Variants in COL27A1 observed in about 807,000 individuals in gnomAD.
COL27A1 encodes collagen alpha-1(XXVII) chain.
COL27A1 carries 106 observed loss-of-function variants against 251.3 expected under a neutral mutation model. The observed-to-expected ratio is 0.42, with a 90% CI of 0.36 to 0.50. COL27A1 has a LOEUF of 0.50. Among genes scored for constraint, COL27A1 ranks in the 20% least tolerant of loss-of-function variants. The pLI is 0.00. For synonymous variants in COL27A1, 1,000 were observed against 986.3 expected (o/e 1.01, Z -0.26); for missense variants, 2,325 against 2,522.8 (o/e 0.92, Z 1.68).
chr9:114,205,951 A>G, intron 9 of COL27A1, 139 bp downstream of exon 9: 1 of 756,094 alleles, frequency 1.3e-6, no homozygotes, highest in East Asian at 2.6e-5. Flanking sequence ...GGGGCTTTCC[A>G]GGGGACTGGA....
intron 56 of COL27A1, 64 bp downstream of exon 56, chr9:114,302,172 C>T: frequency 1.4e-6 from 2 of 1,394,332 alleles, no homozygotes; most frequent in Non-Finnish European, 2.0e-6. Context: ...GGGGAAGAGG[C>T]TGCTGGCCCT....
chr9:114,257,313 C>G (rs1366336408), intron 27 of COL27A1, among the ~76,000 whole-genome samples: 1 of 119,632 alleles, frequency 8.4e-6, no homozygotes, highest in African/African-American at 3.2e-5. Context: ...CCTGGCTGGC[C>G]GGTGGATGAA....
intron 58 of COL27A1, chr9:114,307,109 T>C (rs1829107408): frequency 5.2e-6 from 1 of 191,110 alleles, no homozygotes; most frequent in Non-Finnish European, 1.1e-5. Flanking sequence ...ACTTGGTCTG[T>C]GAGCTGGGGC....
At chr9:114,199,504 C>T (rs1388620526) in intron 7 of COL27A1, among the ~76,000 whole-genome samples, 1 of 152,158 alleles carries the variant, frequency 6.6e-6, no homozygotes, top group Admixed American at 6.5e-5. Context: ...CCTGGGCCTT[C>T]CTGCCTCCCT....
chr9:114,215,054 C>T (rs1343638244), intron 12 of COL27A1, among the ~76,000 whole-genome samples: 2 of 152,252 alleles, frequency 1.3e-5, no homozygotes, highest in Non-Finnish European at 2.9e-5. Flanking sequence ...CAGCTTTACT[C>T]ACAGCCCCTG....
intron 28 of COL27A1, among the ~76,000 whole-genome samples, chr9:114,263,702 G>A (rs1834520419): frequency 6.6e-6 from 1 of 152,122 alleles, no homozygotes; most frequent in Non-Finnish European, 1.5e-5. Context: ...CAGCAATCAG[G>A]GACCAAGACT....
chr9:114,258,480 C>G, intron 27 of COL27A1, 61 bp from the exon 28 acceptor site: 1 of 1,515,628 alleles, frequency 6.6e-7, no homozygotes, highest in East Asian at 2.4e-5. Context: ...CACTCCCAGC[C>G]CCCCGTGTTG....
chr9:114,302,740 A>C (rs996904873), intron 56 of COL27A1, among the ~76,000 whole-genome samples: 3 of 137,618 alleles, frequency 2.2e-5, no homozygotes, highest in Non-Finnish European at 4.9e-5. Flanking sequence ...AAAAAAAAAA[A>C]ACAAAGAGAG....
At chr9:114,196,680 A>G (rs1302167562) in intron 7 of COL27A1, among the ~76,000 whole-genome samples, 2 of 152,030 alleles carry the variant, frequency 1.3e-5, no homozygotes, top group Non-Finnish European at 2.9e-5. Context: ...GGTTCTCTCT[A>G]TCTTGCTGGC....
chr9:114,222,244 C>T lies in COL27A1; in HGVS notation c.2443C>T (p.Pro815Ser), dbSNP rs143813724. ...GNPGELGLPG[P>S]PGVPGLIGDL... The stretch of plus-strand genomic sequence containing the variant: ...GCAGGGAGAACTGGGCCTGCCAGGC[C>T]CCCCTGGAGTCCCCGGCCTCATTGT... The change falls in exon 14 of 61, where the codon CCC becomes TCC. Residue 815 changes from proline (P) to serine (S), a missense_variant. By Grantham distance (74) the Pro-to-Ser change is moderately conservative. Coordinates refer to ENST00000356083, the MANE Select transcript of COL27A1 (RefSeq NM_032888.4). 8.1e-6 allele frequency: 13 copies of T among 1,613,570 alleles called. No individual in the cohort carries two copies. The highest frequency in any genetic ancestry group is 4.0e-5 in the African/African-American group (3 of 74,892).
rs1848087462 is a variant in COL27A1 at position 114,155,915 on chromosome 9, C to T, written c.-36C>T. 1.7e-6 allele frequency: 2 copies of T among 1,209,060 alleles called. No individual in the cohort carries two copies. Among genetic ancestry groups the T allele is most frequent in the Non-Finnish European group, 2.1e-6 (2 of 970,352 alleles). 74.9% of individuals were successfully genotyped at this position (1,209,060 alleles called of 1,614,324 possible). A position where few individuals can be genotyped will look rare whatever the true frequency, so the allele number is the denominator to read the frequency against. On this transcript the variant is annotated 5_prime_UTR_variant, in exon 1 of 61. Transcript: ENST00000356083. The surrounding 1 kb of genome is among the most constrained non-coding windows in gnomAD (Gnocchi z 5.5). ...GCCCCATGGGGCGCGCCCACACTTG[C>T]CCCCCGGGCTCGGGAGCATGAAGTA...
At chr9:114,225,912 C>T (rs913239706) in intron 14 of COL27A1, among the ~76,000 whole-genome samples, 11 of 152,132 alleles carry the variant, frequency 7.2e-5, no homozygotes, top group African/African-American at 2.7e-4. Flanking sequence ...GGAGGCCTTG[C>T]GAAGCCGAGG....
At position 114,301,266 on chromosome 9, in the gene COL27A1, G is replaced by GTTT; in HGVS notation, c.4756-18_4756-17insTTT. 1 of 1,612,360 alleles carries GTTT rather than the reference G, an allele frequency of 6.2e-7. No homozygotes were observed. Among genetic ancestry groups the GTTT allele is most frequent in the Non-Finnish European group, 8.5e-7 (1 of 1,179,144 alleles). On this transcript the variant is annotated splice_polypyrimidine_tract_variant and intron_variant, in intron 52 of 60. Transcript: ENST00000356083. ...TTCACCTCTGGGCCCTGTCTCACTG[G>GTTT]GCCGTGGTTTGTTGCAGGGTCCGAA...
intron 49 of COL27A1, 106 bp from the exon 50 acceptor site, chr9:114,299,964 C>T: frequency 2.9e-6 from 3 of 1,027,696 alleles, no homozygotes; most frequent in Non-Finnish European, 4.6e-6. Context: ...CACTGATATC[C>T]CTGGAAAGGC....
intron 4 of COL27A1, among the ~76,000 whole-genome samples, chr9:114,182,423 C>T (rs1025058964): frequency 6.0e-5 from 9 of 151,094 alleles, no homozygotes; most frequent in East Asian, 3.9e-4. Context: ...GAGGGTTCCC[C>T]GGAGGAGATG....
intron 7 of COL27A1, among the ~76,000 whole-genome samples, chr9:114,203,432 A>G (rs1448574321): frequency 1.3e-5 from 2 of 152,184 alleles, no homozygotes; most frequent in Non-Finnish European, 2.9e-5. Flanking sequence ...AGGTGAAGTC[A>G]TTGGCTTTGG....
chr9:114,209,599 TG>T, intron 10 of COL27A1, 75 bp from the exon 11 acceptor site: 1 of 1,332,536 alleles, frequency 7.5e-7, no homozygotes, highest in Non-Finnish European at 1.1e-6. Context: ...ATGGCAGTGG[TG>T]GGTGGGCTGC....
At chr9:114,281,728 G>A (rs140229999) in intron 37 of COL27A1, among the ~76,000 whole-genome samples, 2,229 of 152,324 alleles carry the variant, frequency 0.015, 37 homozygotes, top group Non-Finnish European at 0.02. Context: ...GGTGGTAAGA[G>A]CCCTGGGCAT....
intron 5 of COL27A1, among the ~76,000 whole-genome samples, chr9:114,193,025 G>C (rs776297316): frequency 4.6e-5 from 7 of 151,994 alleles, no homozygotes; most frequent in Non-Finnish European, 1.0e-4. Context: ...GCACGTGTAT[G>C]TGTGTGCGCA....
Sources: gnomAD v4.1 joint callset for allele counts (sites outside exome capture counted in the v4.1 genomes callset) on GRCh38, gnomAD v4.1.1 for gene constraint, Gnocchi (gnomAD v3.1) non-coding constraint, MANE v1.5 for transcripts, NCBI Gene and HGNC (gene_info 2026-07-23, HGNC 2026-07-21) for gene names.